Variants in CHDH observed in about 807,000 individuals in gnomAD.
CHDH encodes choline dehydrogenase, mitochondrial.
Under a neutral mutation model 56.9 loss-of-function variants are expected in CHDH, and 43 were observed. That is an observed-to-expected ratio of 0.76 (90% CI 0.59 to 0.97). The LOEUF is 0.97. Ranked by LOEUF, CHDH falls within the 50% of genes least tolerant of loss-of-function variation. The probability of loss-of-function intolerance (pLI) is 0.00; values close to 1 mark genes in which losing one functional copy is unlikely to be tolerated. For synonymous variants in CHDH, 364 were observed against 348.5 expected, an observed-to-expected ratio of 1.04 and a Z score of -0.50; for missense variants, 816 against 821.1, an observed-to-expected ratio of 0.99 and a Z score of 0.08.
chr3:53,829,294 C>A (rs1414800170), intron 2 of CHDH, among the ~76,000 whole-genome samples: 1 of 152,154 alleles, frequency 6.6e-6, no homozygotes, highest in Non-Finnish European at 1.5e-5. Flanking sequence ...GGGAACTAAT[C>A]TGTTTTCTGT....
intron 2 of CHDH, among the ~76,000 whole-genome samples, chr3:53,830,693 A>G (rs1698306014): frequency 6.6e-6 from 1 of 152,248 alleles, no homozygotes; most frequent in Non-Finnish European, 1.5e-5. Context: ...ACAAGAGAAT[A>G]TACATTTTTT....
chr3:53,825,349 G>C (rs1056721552), intron 2 of CHDH, among the ~76,000 whole-genome samples: 1 of 152,126 alleles, frequency 6.6e-6, no homozygotes, highest in Non-Finnish European at 1.5e-5. Context: ...ATCAAACAGG[G>C]ACTTTAACCA....
Position 53,818,206 on chromosome 3 carries a change from G to GAAGA in CHDH, c.1367-15_1367-12dup. On this transcript the variant is annotated splice_polypyrimidine_tract_variant and intron_variant, in intron 8 of 8. Transcript: ENST00000315251. The stretch of plus-strand genomic sequence containing the variant: ...CCTCAATATCAGTTTCTGTCGAGGA[G>GAAGA]AAGAAACAGGTGAGGACCCCTCCTT... 1 of 1,586,554 alleles carries GAAGA rather than the reference G, an allele frequency of 6.3e-7. No homozygotes were observed. Among genetic ancestry groups the GAAGA allele is most frequent in the Non-Finnish European group, 8.6e-7 (1 of 1,167,948 alleles).
intron 2 of CHDH, among the ~76,000 whole-genome samples, chr3:53,833,974 T>C (rs1242634844): frequency 6.6e-6 from 1 of 152,088 alleles, no homozygotes; most frequent in African/African-American, 2.4e-5. Context: ...AGGCAAGGCT[T>C]TGGTCAACTT....
chr3:53,826,838 G>GA (rs1325705875), intron 2 of CHDH, among the ~76,000 whole-genome samples: 2 of 152,130 alleles, frequency 1.3e-5, no homozygotes, highest in Non-Finnish European at 2.9e-5. Context: ...TGTCCATATA[G>GA]AAAATCTAAA....
At chr3:53,818,258 T>G in intron 8 of CHDH, 63 bp from the exon 9 acceptor site, 4 of 1,429,964 alleles carry the variant, frequency 2.8e-6, no homozygotes, top group Non-Finnish European at 3.7e-6. Context: ...CACTGGAAGA[T>G]TCACGGCATG....
intron 6 of CHDH, among the ~76,000 whole-genome samples, chr3:53,820,251 C>G (rs1403059823): frequency 6.6e-6 from 1 of 152,220 alleles, no homozygotes; most frequent in Admixed American, 6.5e-5. Context: ...GGCCCTGGGC[C>G]AAGCTCCTTG....
intron 2 of CHDH, among the ~76,000 whole-genome samples, chr3:53,837,689 C>A (rs1165817755): frequency 6.6e-6 from 1 of 152,180 alleles, no homozygotes; most frequent in Non-Finnish European, 1.5e-5. Flanking sequence ...GCCCTCTGCA[C>A]ACATCCCTCC....
intron 1 of CHDH, chr3:53,844,905 CATCTG>C (rs1698806395): frequency 6.6e-6 from 1 of 152,362 alleles, no homozygotes; most frequent in Non-Finnish European, 1.5e-5. Context: ...AGGCTGTTTT[CATCTG>C]GGCTTCCGCA....
intron 2 of CHDH, among the ~76,000 whole-genome samples, chr3:53,832,448 T>C (rs769331825): frequency 3.9e-5 from 6 of 151,902 alleles, no homozygotes; most frequent in East Asian, 1.9e-4. Context: ...AGGAGAATGG[T>C]GTGAACCCAG....
Position 53,815,340 on chromosome 3 carries a change from A to C in CHDH, c.*2437T>G, listed in dbSNP as rs1305737115. The C allele has an allele frequency of 6.6e-6, 1 of 152,106 alleles. No individual in the cohort carries two copies. Among genetic ancestry groups the C allele is most frequent in the Non-Finnish European group, 1.5e-5 (1 of 68,026 alleles). 9.4% of individuals were successfully genotyped at this position (152,106 alleles called of 1,614,324 possible). A position where few individuals can be genotyped will look rare whatever the true frequency, so the allele number is the denominator to read the frequency against. On this transcript the variant is annotated 3_prime_UTR_variant, in exon 9 of 9. Transcript: ENST00000315251. ...GAAGATGGGGGGGTACCCTCTGTGC[A>C]CCCCACTTTGTAGCAAGTGCCTTTC...
chr3:53,825,381 T>C (rs938870691), intron 2 of CHDH, among the ~76,000 whole-genome samples: 1 of 151,974 alleles, frequency 6.6e-6, no homozygotes, highest in African/African-American at 2.4e-5. Context: ...ATAAAAGATA[T>C]AGTTGAAAAG....
rs2095605997 is a variant in CHDH, at chr3:53,812,713, AT to A, written c.*5063del. On this transcript the variant is annotated 3_prime_UTR_variant, in exon 9 of 9. Transcript: ENST00000315251. ...TTTTGCATCGCTGGTGCAGAAATGC[AT>A]AGGTGGATGAGATATAGCTGCTCTT... 1 of 152,214 alleles carries A rather than the reference AT, an allele frequency of 6.6e-6. No homozygotes were observed. Among genetic ancestry groups the A allele is most frequent in the African/African-American group, 2.4e-5 (1 of 41,406 alleles). 9.4% of individuals were successfully genotyped at this position (152,214 alleles called of 1,614,324 possible). A position where few individuals can be genotyped will look rare whatever the true frequency, so the allele number is the denominator to read the frequency against.
At chr3:53,822,885 C>T (rs1438554051) in intron 3 of CHDH, among the ~76,000 whole-genome samples, 2 of 152,172 alleles carry the variant, frequency 1.3e-5, no homozygotes, top group Non-Finnish European at 2.9e-5. Flanking sequence ...ACACAGAGAC[C>T]AGGAGCACAG....
At chr3:53,841,307 G>A (rs1211017712) in intron 1 of CHDH, among the ~76,000 whole-genome samples, 1 of 152,112 alleles carries the variant, frequency 6.6e-6, no homozygotes, top group African/African-American at 2.4e-5. Flanking sequence ...CAGATGCCAG[G>A]ACAAATCTTC....
chr3:53,827,092 GCAA>G (rs2095640359), intron 2 of CHDH, among the ~76,000 whole-genome samples: 5 of 152,118 alleles, frequency 3.3e-5, no homozygotes, highest in African/African-American at 7.2e-5. Context: ...ACCAGCCTGG[GCAA>G]CATAGAAATA....
At chr3:53,832,633 C>A (rs1288425994) in intron 2 of CHDH, among the ~76,000 whole-genome samples, 1 of 152,144 alleles carries the variant, frequency 6.6e-6, no homozygotes, top group East Asian at 1.9e-4. Flanking sequence ...GAATGAAATT[C>A]TGGCACATGC....
In CHDH at chr3:53,817,597, T is replaced by C. The variant is rs2095618043; in HGVS notation, c.*180A>G. On this transcript the variant is annotated 3_prime_UTR_variant, in exon 9 of 9. Coordinates refer to ENST00000315251, the MANE Select transcript of CHDH (RefSeq NM_018397.5). ...GAAAGGCTGGGGAAAAGGAGCTGGATTCACTGCCCAGTACTTGTCTCATTT... is the reference window on the plus strand; with the variant it reads ...GAAAGGCTGGGGAAAAGGAGCTGGACTCACTGCCCAGTACTTGTCTCATTT... 3.5e-6 allele frequency: 2 copies of C among 572,608 alleles called. No individual in the cohort carries two copies. The highest frequency in any genetic ancestry group is 6.0e-6 in the Non-Finnish European group (2 of 331,694). 35.5% of individuals were successfully genotyped at this position (572,608 alleles called of 1,614,324 possible). A position where few individuals can be genotyped will look rare whatever the true frequency, so the allele number is the denominator to read the frequency against.
chr3:53,819,773 C>T lies in CHDH; in HGVS notation c.1121-99G>A. On this transcript the variant is annotated intron_variant, in intron 6 of 8. Coordinates refer to ENST00000315251, the MANE Select transcript of CHDH (RefSeq NM_018397.5). The surrounding 1 kb of genome is among the most constrained non-coding windows in gnomAD (Gnocchi z 5.4). ...CTCCTTTCTCCTGGCCGCTCCTCTT[C>T]CTTTTCCCGGACTCCACTCTAGTGC... 2.1e-6 allele frequency: 3 copies of T among 1,396,276 alleles called. No individual in the cohort carries two copies. The highest frequency in any genetic ancestry group is 2.9e-6 in the Non-Finnish European group (3 of 1,048,274). The allele number at this position is 1,396,276 out of a possible 1,614,324, so 86.5% of individuals were successfully genotyped here.
Sources: allele counts gnomAD v4.1 joint callset (sites outside exome capture counted in the v4.1 genomes callset), GRCh38; gene constraint gnomAD v4.1.1; non-coding constraint Gnocchi (gnomAD v3.1); transcripts MANE v1.5; gene names NCBI Gene and HGNC (gene_info 2026-07-23, HGNC 2026-07-21).